The following FAM124B variants were observed in gnomAD, a reference collection of about 807,000 sequenced individuals.
FAM124B encodes protein FAM124B.
Under a neutral mutation model 19.7 loss-of-function variants are expected in FAM124B, and 18 were observed. The observed-to-expected ratio is 0.92, with a 90% CI of 0.63 to 1.36. The LOEUF is 1.36. FAM124B is among the 40% of genes most tolerant of loss of function. FAM124B has a pLI of 0.00. For synonymous variants in FAM124B, 223 were observed against 225.2 expected (o/e 0.99, Z 0.09); for missense variants, 540 against 553.3 (o/e 0.98, Z 0.24).
intron 1 of FAM124B, among the ~76,000 whole-genome samples, chr2:224,385,577 T>A (rs1689790297): frequency 6.6e-6 from 1 of 152,204 alleles, no homozygotes; most frequent in Admixed American, 6.5e-5. Flanking sequence ...ATCTGTCCCT[T>A]AAGCTTCATC....
At chr2:224,393,175 T>C (rs925165980) in intron 1 of FAM124B, among the ~76,000 whole-genome samples, 1 of 152,176 alleles carries the variant, frequency 6.6e-6, no homozygotes. Flanking sequence ...ATGGCTGTCT[T>C]GGAGAGTTAT....
In FAM124B at chr2:224,379,613, C is replaced by T. The variant is rs866872676; in HGVS notation, c.1328G>A (p.Gly443Asp). The T allele has an allele frequency of 7.7e-6, 12 of 1,549,898 alleles. No homozygotes were observed. Among genetic ancestry groups the T allele is most frequent in the Non-Finnish European group, 1.0e-5 (12 of 1,146,098 alleles). Residue 443 changes from glycine to aspartate, a missense_variant, in exon 2 of 2, where the codon GGT becomes GAT. Gly to Asp is a moderately conservative substitution (Grantham distance 94). Coordinates refer to ENST00000409685, the MANE Select transcript of FAM124B (RefSeq NM_001122779.2). ...TTCTTCATCTTCTTCTTTTTCTTCA[C>T]CCTGAACTTGCAGATGAAGGAGACA... ...SECLLHLQVQ[G>D]EEKEEDEEEF... is the part of the protein sequence containing the mutation.
At position 224,380,048 on chromosome 2, in the gene FAM124B, G is replaced by A; in HGVS notation, c.893C>T (p.Pro298Leu). 1 of 1,551,698 alleles carries A rather than the reference G, an allele frequency of 6.4e-7. No homozygotes were observed. Among genetic ancestry groups the A allele is most frequent in the Non-Finnish European group, 8.7e-7 (1 of 1,146,998 alleles). The part of the protein sequence containing the change: ...KRSQGHSLEL[P>L]EPSGSPTSDR... ...TGATGTGGGGCTCCCACTGGGCTCA[G>A]GAAGCTCCAGAGAATGCCCCTGGGA... Residue 298 changes from proline (P) to leucine (L), a missense_variant, in exon 2 of 2, where the codon CCT becomes CTT. Transcript: ENST00000409685.
At position 224,400,883 on chromosome 2, in the gene FAM124B, T is replaced by G. The variant is rs115004529; in HGVS notation, c.732+154A>C. Among the ~76,000 whole-genome samples the G allele has an allele frequency of 3.1e-3, 470 of 152,234 alleles. 1 individual carries two copies. The highest frequency in any genetic ancestry group is 0.011 in the African/African-American group (447 of 41,522). ...ACCTAGGCCTGGATGTTCCCAGAGA[T>G]TCGGATCAAACTGCCCTGGGGTGGG... is the stretch of plus-strand genomic sequence containing the variant. On this transcript the variant is annotated intron_variant, in intron 1 of 1. Transcript: ENST00000409685.
intron 1 of FAM124B, among the ~76,000 whole-genome samples, chr2:224,386,962 AAG>A (rs1689808673): frequency 7.2e-6 from 1 of 138,246 alleles, no homozygotes; most frequent in African/African-American, 2.5e-5. Context: ...CAATCTTCTT[AAG>A]AGAGGGGAAT....
At chr2:224,393,226 G>T (rs142967373) in intron 1 of FAM124B, among the ~76,000 whole-genome samples, 1 of 152,302 alleles carries the variant, frequency 6.6e-6, no homozygotes, top group East Asian at 1.9e-4. Context: ...AGATCCAGAG[G>T]TGAGGCCCCA....
At chr2:224,398,964 G>C (rs908876403) in intron 1 of FAM124B, among the ~76,000 whole-genome samples, 1 of 152,194 alleles carries the variant, frequency 6.6e-6, no homozygotes, top group African/African-American at 2.4e-5. Context: ...GCAACAGAGA[G>C]AGACTCTGTC....
chr2:224,401,519 G>C lies in FAM124B; in HGVS notation c.250C>G (p.Arg84Gly). Residue 84 changes from arginine (R) to glycine (G), a missense_variant, in exon 1 of 2, where the codon CGC becomes GGC. By Grantham distance (125) the Arg-to-Gly change is moderately radical (BLOSUM62 -2). Transcript: ENST00000409685. ...HESPGEDRLF[R>G]VLDSLQHSPW... ...GAATGCTGGAGAGAGTCCAGGACGC[G>C]AAATAGCCTATCCTCTCCCGGGCTT... 6.2e-7 allele frequency: 1 copy of C among 1,614,100 alleles called. No homozygotes were observed.
chr2:224,393,035 TTCA>T (rs1689913562), intron 1 of FAM124B, among the ~76,000 whole-genome samples: 1 of 152,222 alleles, frequency 6.6e-6, no homozygotes, highest in African/African-American at 2.4e-5. Context: ...ACAGAATATT[TTCA>T]TCATCACAGA....
At position 224,398,200 on chromosome 2, in the gene FAM124B, C is replaced by T. The variant is rs150609828; in HGVS notation, c.732+2837G>A. ...GCATCCTCTGCCTCCCTGGTTCAAGCGATTCTCCTGCTTCAGCCTCCCGAG... is the reference window on the plus strand; with the variant it reads ...GCATCCTCTGCCTCCCTGGTTCAAGTGATTCTCCTGCTTCAGCCTCCCGAG... On this transcript the variant is annotated intron_variant, in intron 1 of 1. Coordinates refer to ENST00000409685, the MANE Select transcript of FAM124B (RefSeq NM_001122779.2). Among the ~76,000 whole-genome samples, 747 of 152,240 alleles carry T rather than the reference C, an allele frequency of 4.9e-3. 3 individuals are homozygous for T. Among genetic ancestry groups the T allele is most frequent in the Non-Finnish European group, 6.7e-3 (455 of 68,008 alleles).
At position 224,379,412 on chromosome 2, in the gene FAM124B, C is replaced by G; in HGVS notation, c.*161G>C. 2 of 1,044,734 alleles carry G rather than the reference C, an allele frequency of 1.9e-6. No individual in the cohort carries two copies. Among genetic ancestry groups the G allele is most frequent in the Non-Finnish European group, 2.7e-6 (2 of 751,052 alleles). 64.7% of individuals were successfully genotyped at this position (1,044,734 alleles called of 1,614,324 possible). ...GCAAATAAACAATCATTCCCAGCAC[C>G]TTTAGACTTTGAACATTTGAAATAA... On this transcript the variant is annotated 3_prime_UTR_variant, in exon 2 of 2. Coordinates refer to ENST00000409685, the MANE Select transcript of FAM124B (RefSeq NM_001122779.2).
chr2:224,398,899 C>G (rs1017650135), intron 1 of FAM124B, among the ~76,000 whole-genome samples: 1 of 152,196 alleles, frequency 6.6e-6, no homozygotes, highest in Non-Finnish European at 1.5e-5. Context: ...ATTGCTTGAA[C>G]CCGGGAGGCA....
At chr2:224,391,007 A>G (rs1689878523) in intron 1 of FAM124B, among the ~76,000 whole-genome samples, 4 of 149,732 alleles carry the variant, frequency 2.7e-5, no homozygotes, top group African/African-American at 9.8e-5. Context: ...CCGGCCAACA[A>G]ACTTATTTTT....
intron 1 of FAM124B, among the ~76,000 whole-genome samples, chr2:224,388,670 C>T (rs1689836055): frequency 6.6e-6 from 1 of 152,162 alleles, no homozygotes; most frequent in African/African-American, 2.4e-5. Flanking sequence ...TGTGAATGTG[C>T]TTAATGCCAC....
chr2:224,397,580 T>C (rs978978063), intron 1 of FAM124B, among the ~76,000 whole-genome samples: 1 of 152,196 alleles, frequency 6.6e-6, no homozygotes, highest in African/African-American at 2.4e-5. Context: ...TGGGAAAGTT[T>C]GGAACTTCCT....
chr2:224,394,247 G>T (rs1483457439), intron 1 of FAM124B, among the ~76,000 whole-genome samples: 1 of 151,736 alleles, frequency 6.6e-6, no homozygotes, highest in Non-Finnish European at 1.5e-5. Context: ...TCCTTTCCAG[G>T]GCTTCAGCCA....
At position 224,402,085 on chromosome 2, in the gene FAM124B, G is replaced by A. The variant is rs1427593918; in HGVS notation, c.-317C>T. The A allele has an allele frequency of 1.4e-5, 4 of 295,758 alleles. No individual in the cohort carries two copies. The highest frequency in any genetic ancestry group is 7.3e-5 in the South Asian group (1 of 13,712). 18.3% of individuals were successfully genotyped at this position (295,758 alleles called of 1,614,324 possible). ...TTCAGGCGTTCCCCAGGGTTTCTGCGTGACCTAAAAACCTATAATCCTGAG... is the reference window on the plus strand; with the variant it reads ...TTCAGGCGTTCCCCAGGGTTTCTGCATGACCTAAAAACCTATAATCCTGAG... On this transcript the variant is annotated 5_prime_UTR_variant, in exon 1 of 2. In the 5' UTR this introduces an upstream ATG that the reference lacks. Coordinates refer to ENST00000409685, the MANE Select transcript of FAM124B (RefSeq NM_001122779.2).
At chr2:224,398,578 C>T (rs1010491808) in intron 1 of FAM124B, among the ~76,000 whole-genome samples, 2 of 152,200 alleles carry the variant, frequency 1.3e-5, no homozygotes, top group Admixed American at 6.5e-5. Flanking sequence ...AAAGCTTAGA[C>T]TCATTGACTT....
rs1022090689 is a variant in FAM124B, at chr2:224,379,692, G to T, written c.1249C>A (p.Pro417Thr). ...TCCCTTTGGCCAGCAAGTGGCAAAG[G>T]AGAGACTCTTTCCTTAAGGACACTG... ...NNSVLKERVSPLPLAGQRDLG... is the reference protein window; with the variant it reads ...NNSVLKERVSTLPLAGQRDLG... Residue 417 changes from proline to threonine, a missense_variant, in exon 2 of 2, where the codon CCT becomes ACT. Physicochemically the swap from Pro to Thr is conservative, Grantham distance 38 (BLOSUM62 -1). Coordinates refer to ENST00000409685, the MANE Select transcript of FAM124B (RefSeq NM_001122779.2). 1.3e-6 allele frequency: 2 copies of T among 1,551,684 alleles called. No homozygotes were observed.
Sources: gnomAD v4.1 joint callset for allele counts (sites outside exome capture counted in the v4.1 genomes callset) on GRCh38, gnomAD v4.1.1 for gene constraint, MANE v1.5 for transcripts, NCBI Gene and HGNC (gene_info 2026-07-23, HGNC 2026-07-21) for gene names.